ITGA8: variants seen among roughly 807,000 people sequenced by gnomAD.
ITGA8 encodes integrin alpha-8.
A neutral mutation model predicts 142.3 loss-of-function variants in ITGA8; 91 were observed. The ratio of observed to expected loss-of-function variants is 0.64; its 90% CI spans 0.54 to 0.76. The LOEUF (loss-of-function observed/expected upper bound fraction) is 0.76, where lower values mean the gene tolerates loss of function less well. ITGA8 is among the 30% of genes least tolerant of loss of function. The pLI is 0.00. For synonymous variants in ITGA8, 505 were observed against 485.2 expected (o/e 1.04, Z -0.54); for missense variants, 1,406 against 1,327.7 (o/e 1.06, Z -0.92).
At chr10:15,537,564 A>G (rs1833472130) in intron 27 of ITGA8, among the ~76,000 whole-genome samples, 2 of 152,184 alleles carry the variant, frequency 1.3e-5, no homozygotes, top group Non-Finnish European at 2.9e-5. Flanking sequence ...TAACAGGGAA[A>G]CGAAGATGTA....
At chr10:15,657,927 T>C (rs9787610) in intron 10 of ITGA8, among the ~76,000 whole-genome samples, 141,501 of 152,226 alleles carry the variant, frequency 0.93, 66,477 homozygotes, top group Non-Finnish European at 1. Flanking sequence ...GAAATAGAGA[T>C]GCAATAGTTT....
chr10:15,593,537 T>C (rs1189110554), intron 21 of ITGA8, among the ~76,000 whole-genome samples: 1 of 152,210 alleles, frequency 6.6e-6, no homozygotes, highest in Non-Finnish European at 1.5e-5. Flanking sequence ...TCAAATCTGT[T>C]ATCACAGCCA....
intron 23 of ITGA8, among the ~76,000 whole-genome samples, chr10:15,579,731 A>T (rs954868989): frequency 2.0e-5 from 3 of 152,110 alleles, no homozygotes; most frequent in Non-Finnish European, 4.4e-5. Flanking sequence ...AAACATCGAG[A>T]TTAGCTCCAA....
intron 2 of ITGA8, among the ~76,000 whole-genome samples, chr10:15,716,347 A>G (rs1835451337): frequency 1.3e-5 from 2 of 152,226 alleles, no homozygotes; most frequent in African/African-American, 4.8e-5. Context: ...AATAAGACAT[A>G]GTGTGGAATG....
At chr10:15,678,679 A>T (rs777315534) in intron 5 of ITGA8, 43 bp downstream of exon 5, 1 of 1,399,386 alleles carries the variant, frequency 7.1e-7, no homozygotes, top group South Asian at 1.2e-5. Context: ...GGTAAAAAAA[A>T]ATCAGATTAA....
intron 27 of ITGA8, among the ~76,000 whole-genome samples, chr10:15,536,956 C>A (rs7911543): frequency 0.055 from 8,346 of 152,134 alleles, 741 homozygotes; most frequent in African/African-American, 0.19. Flanking sequence ...TTATGTAGCC[C>A]GTTTTGAAAT....
At chr10:15,703,821 G>A (rs1288902239) in intron 2 of ITGA8, among the ~76,000 whole-genome samples, 1 of 152,056 alleles carries the variant, frequency 6.6e-6, no homozygotes, top group Non-Finnish European at 1.5e-5. Context: ...AACCTTTTAT[G>A]TTGTACTCTC....
Position 15,522,006 on chromosome 10 carries a change from G to T in ITGA8, c.2983-2594C>A, listed in dbSNP as rs527587454. 4.6e-5 allele frequency among the ~76,000 whole-genome samples: 7 copies of T among 152,226 alleles called. No homozygotes were observed. The East Asian group carries it at 1.2e-3, about 25-fold the overall frequency. ...GGCTGACAAACATAGTCAGGTAGAA[G>T]GGATACATTCTAGTGTTCAGTAACA... On this transcript the variant is annotated intron_variant, in intron 28 of 29. Transcript: ENST00000378076.
intron 13 of ITGA8, among the ~76,000 whole-genome samples, chr10:15,643,041 C>A (rs549990231): frequency 1.5e-4 from 23 of 152,272 alleles, no homozygotes; most frequent in Non-Finnish European, 2.8e-4. Flanking sequence ...ACCCTAAAAC[C>A]AAGAAGTCTG....
chr10:15,595,824 C>T (rs542334230), intron 21 of ITGA8, among the ~76,000 whole-genome samples: 2 of 152,080 alleles, frequency 1.3e-5, no homozygotes, highest in Non-Finnish European at 2.9e-5. Flanking sequence ...CCAGCACTTT[C>T]GGAGGCCAAG....
At chr10:15,643,864 G>A (rs575140258) in intron 13 of ITGA8, among the ~76,000 whole-genome samples, 166 bp downstream of exon 13, 122 of 152,268 alleles carry the variant, frequency 8.0e-4, no homozygotes, top group African/African-American at 2.8e-3. Context: ...CTTTCTTCAA[G>A]TTCTCATGAA....
intron 19 of ITGA8, among the ~76,000 whole-genome samples, chr10:15,605,159 C>A (rs1301794782): frequency 1.3e-5 from 2 of 152,118 alleles, no homozygotes; most frequent in East Asian, 3.9e-4. Flanking sequence ...CATGTCTTCC[C>A]ATAACAGAAT....
chr10:15,662,354 T>TTTTA, intron 8 of ITGA8, among the ~76,000 whole-genome samples: 1 of 137,380 alleles, frequency 7.3e-6, no homozygotes, highest in Admixed American at 7.2e-5. Flanking sequence ...TTTTTTTTTT[T>TTTTA]AAACAGGGTC....
intron 27 of ITGA8, among the ~76,000 whole-genome samples, chr10:15,547,607 C>G (rs1833701951): frequency 6.6e-6 from 1 of 152,030 alleles, no homozygotes; most frequent in South Asian, 2.1e-4. Context: ...GTGCACAAAT[C>G]AATGGAATGA....
At chr10:15,593,786 A>G (rs763502172) in intron 21 of ITGA8, among the ~76,000 whole-genome samples, 1 of 152,050 alleles carries the variant, frequency 6.6e-6, no homozygotes, top group African/African-American at 2.4e-5. Flanking sequence ...TGCTCAAAGT[A>G]TCACAGCTGG....
chr10:15,670,009 G>T (rs1036691783), intron 8 of ITGA8, among the ~76,000 whole-genome samples: 1 of 152,130 alleles, frequency 6.6e-6, no homozygotes, highest in East Asian at 1.9e-4. Flanking sequence ...CTCAAGCTGC[G>T]TGCTGGGAGA....
chr10:15,537,782 T>C (rs2131548603), intron 27 of ITGA8, among the ~76,000 whole-genome samples: 1 of 152,250 alleles, frequency 6.6e-6, no homozygotes, highest in Non-Finnish European at 1.5e-5. Context: ...TTGTATAGAC[T>C]TGGGAATTCG....
At chr10:15,575,233 T>A (rs912164863) in intron 24 of ITGA8, among the ~76,000 whole-genome samples, 1 of 151,744 alleles carries the variant, frequency 6.6e-6, no homozygotes, top group Non-Finnish European at 1.5e-5. Context: ...TAGAAAAAAA[T>A]ACAAAAATTA....
rs1359446108 is a variant in ITGA8, at chr10:15,574,709, A to ATG, written c.2478+779_2478+780insCA. Among the ~76,000 whole-genome samples the ATG allele has an allele frequency of 3.4e-3, 458 of 135,278 alleles. 1 individual carries two copies. The highest frequency in any genetic ancestry group is 0.011 in the African/African-American group (438 of 39,786). The allele number at this position is 135,278 out of a possible 152,430, so 88.7% of individuals were successfully genotyped here. A position where few individuals can be genotyped will look rare whatever the true frequency, so the allele number is the denominator to read the frequency against. On this transcript the variant is annotated intron_variant, in intron 24 of 29. Coordinates refer to ENST00000378076, the MANE Select transcript of ITGA8 (RefSeq NM_003638.3). ...CGGGCGCTTTTATATATATGTATAT[A>ATG]TATATTTTTTTTTTAGCACAATAAT...
Sources: gnomAD v4.1 joint callset for allele counts (sites outside exome capture counted in the v4.1 genomes callset) on GRCh38, gnomAD v4.1.1 for gene constraint, MANE v1.5 for transcripts, NCBI Gene and HGNC (gene_info 2026-07-23, HGNC 2026-07-21) for gene names.